The following GAB1 variants were observed in gnomAD, a reference collection of about 807,000 sequenced individuals.
GAB1 encodes GRB2 associated binding protein 1, also known as GRB2-associated-binding protein 1.
A neutral mutation model predicts 66.5 loss-of-function variants in GAB1; 19 were observed. That is an observed-to-expected ratio of 0.29 (90% CI 0.20 to 0.42). GAB1 has a LOEUF of 0.42. GAB1 is among the 10% of genes least tolerant of loss of function. The pLI is 1.00. For missense variants in GAB1, 732 were observed against 858.5 expected, an observed-to-expected ratio of 0.85 and a Z score of 1.84; for synonymous variants, 294 against 301.4, an observed-to-expected ratio of 0.98 and a Z score of 0.25.
At chr4:143,468,193 G>A (rs373695917) in intron 9 of GAB1, among the ~76,000 whole-genome samples, 1 of 146,326 alleles carries the variant, frequency 6.8e-6, no homozygotes, top group African/African-American at 2.5e-5. Context: ...TGTCATGGAA[G>A]CATTAGTTTG....
chr4:143,438,643 GA>G, intron 4 of GAB1, 43 bp downstream of exon 4: 5 of 1,560,694 alleles, frequency 3.2e-6, no homozygotes, highest in Non-Finnish European at 4.3e-6. Context: ...GTTAATGATA[GA>G]AAATCGATTT....
At chr4:143,458,692 A>C (rs1173225117) in intron 6 of GAB1, among the ~76,000 whole-genome samples, 1 of 152,078 alleles carries the variant, frequency 6.6e-6, no homozygotes, top group East Asian at 1.9e-4. Flanking sequence ...CTTATAAATG[A>C]AAATTATTAT....
chr4:143,356,869 G>C (rs1167006014), intron 1 of GAB1, among the ~76,000 whole-genome samples: 1 of 152,192 alleles, frequency 6.6e-6, no homozygotes, highest in Non-Finnish European at 1.5e-5. Flanking sequence ...TGAGGGGAAA[G>C]ATTTTAGATG....
chr4:143,357,841 G>GACTTA (rs1729509329), intron 1 of GAB1, among the ~76,000 whole-genome samples: 1 of 151,212 alleles, frequency 6.6e-6, no homozygotes, highest in Non-Finnish European at 1.5e-5. Context: ...CTTCAAAGAT[G>GACTTA]GTTCTTAAGA....
chr4:143,401,355 A>G (rs1293161656), intron 1 of GAB1, among the ~76,000 whole-genome samples: 1 of 152,210 alleles, frequency 6.6e-6, no homozygotes, highest in Non-Finnish European at 1.5e-5. Flanking sequence ...ACAAGGTGAT[A>G]ACATTTCTGT....
In GAB1 at chr4:143,350,678, CAAAAAAAAAA is replaced by C. The variant is rs34098103; in HGVS notation, c.72+13429_72+13438del. 7.7e-3 allele frequency among the ~76,000 whole-genome samples: 686 copies of C among 88,532 alleles called. 4 individuals carry two copies. The highest frequency in any genetic ancestry group is 0.03 in the African/African-American group (648 of 21,922). 58.1% of individuals were successfully genotyped at this position (88,532 alleles called of 152,430 possible). A position where few individuals can be genotyped will look rare whatever the true frequency, so the allele number is the denominator to read the frequency against. Reference sequence around the variant, plus strand: ...GGGCAACAAGCGTGAAACTCCGTCTCAAAAAAAAAAAAAAAAAAAAGAAAGACTTTGTATT... The same window carrying C: ...GGGCAACAAGCGTGAAACTCCGTCTCAAAAAAAAAAGAAAGACTTTGTATT... On this transcript the variant is annotated intron_variant, in intron 1 of 9. Coordinates refer to ENST00000262994, the MANE Select transcript of GAB1 (RefSeq NM_002039.4).
At chr4:143,442,608 A>G (rs1734301967) in intron 6 of GAB1, among the ~76,000 whole-genome samples, 1 of 152,178 alleles carries the variant, frequency 6.6e-6, no homozygotes, top group Non-Finnish European at 1.5e-5. Context: ...TATTTTATGT[A>G]TATATCAGAA....
At chr4:143,355,988 G>A (rs1440023772) in intron 1 of GAB1, among the ~76,000 whole-genome samples, 1 of 152,086 alleles carries the variant, frequency 6.6e-6, no homozygotes, top group Non-Finnish European at 1.5e-5. Flanking sequence ...TGCTGAACAT[G>A]AAGCTGCATG....
Position 143,471,974 on chromosome 4 carries a change from A to G in GAB1, c.*2785A>G, listed in dbSNP as rs1378470536. 3 of 152,222 alleles carry G rather than the reference A, an allele frequency of 2.0e-5. No homozygotes were observed. The highest frequency in any genetic ancestry group is 4.4e-5 in the Non-Finnish European group (3 of 68,024). 9.4% of individuals were successfully genotyped at this position (152,222 alleles called of 1,614,324 possible). ...AAAAACCACTGGTTAACGATGTGAC[A>G]GTTATGATCTTGGAGATTGGAAATC... On this transcript the variant is annotated 3_prime_UTR_variant, in exon 10 of 10. Coordinates refer to ENST00000262994, the MANE Select transcript of GAB1 (RefSeq NM_002039.4).
At chr4:143,387,364 C>G (rs1730967713) in intron 1 of GAB1, among the ~76,000 whole-genome samples, 5 of 152,296 alleles carry the variant, frequency 3.3e-5, no homozygotes, top group Non-Finnish European at 5.9e-5. Context: ...CTCCCAACCT[C>G]AGGTGATCCA....
At position 143,337,272 on chromosome 4, in the gene GAB1, T is replaced by C; in HGVS notation, c.72+12T>C. The C allele has an allele frequency of 6.4e-7, 1 of 1,568,786 alleles. No individual in the cohort carries two copies. Among genetic ancestry groups the C allele is most frequent in the East Asian group, 2.3e-5 (1 of 43,370 alleles). The stretch of plus-strand genomic sequence containing the variant: ...AGTTGAAGCGTTATGTAAGTAGAGC[T>C]GCGGGCACCACTCCGCGGGCCTCGG... On this transcript the variant is annotated intron_variant, in intron 1 of 9. Transcript: ENST00000262994.
intron 1 of GAB1, among the ~76,000 whole-genome samples, chr4:143,414,864 G>A (rs1732595546): frequency 6.6e-6 from 1 of 152,062 alleles, no homozygotes; most frequent in African/African-American, 2.4e-5. Context: ...CTAGCATTAA[G>A]TATTAATACA....
chr4:143,430,742 G>A (rs1485827849), intron 2 of GAB1, among the ~76,000 whole-genome samples: 2 of 152,104 alleles, frequency 1.3e-5, no homozygotes, highest in Non-Finnish European at 2.9e-5. Flanking sequence ...GTACCTTATT[G>A]TGCTTTTATT....
intron 1 of GAB1, among the ~76,000 whole-genome samples, chr4:143,355,904 G>A (rs1729426995): frequency 6.6e-6 from 1 of 152,038 alleles, no homozygotes; most frequent in Non-Finnish European, 1.5e-5. Context: ...CCTACATAAG[G>A]GCTGGTGATT....
intron 6 of GAB1, among the ~76,000 whole-genome samples, chr4:143,446,262 A>G (rs1353536079): frequency 1.3e-5 from 2 of 152,170 alleles, no homozygotes; most frequent in African/African-American, 4.8e-5. Context: ...ATACGTGTGC[A>G]TGTGTCTTTA....
chr4:143,367,724 T>TTG (rs1466187039), intron 1 of GAB1, among the ~76,000 whole-genome samples: 1 of 143,548 alleles, frequency 7.0e-6, no homozygotes, highest in Non-Finnish European at 1.5e-5. Flanking sequence ...TGAGGGTTTT[T>TTG]TTTTTTTTTT....
intron 1 of GAB1, among the ~76,000 whole-genome samples, chr4:143,353,033 G>T (rs895384154): frequency 3.3e-5 from 5 of 152,154 alleles, no homozygotes; most frequent in African/African-American, 1.2e-4. Flanking sequence ...TTAAATCAAA[G>T]AAAGTGTTTT....
intron 1 of GAB1, among the ~76,000 whole-genome samples, chr4:143,392,830 C>T (rs758510472): frequency 1.3e-5 from 2 of 152,120 alleles, no homozygotes; most frequent in Non-Finnish European, 2.9e-5. Context: ...GGCCCAACTA[C>T]TATCGTATAT....
rs530186962 is a variant in GAB1, at chr4:143,363,608, G to A, written c.72+26348G>A. On this transcript the variant is annotated intron_variant, in intron 1 of 9. Transcript: ENST00000262994. ...AAGCCATTGGAGTGGATGGCCAAGC[G>A]GGAAGTTATGCTCGCCTCTGTAGTT... Among the ~76,000 whole-genome samples the A allele has an allele frequency of 1.8e-4, 27 of 152,256 alleles. No homozygotes were observed. In the East Asian group the frequency reaches 2.9e-3, roughly 16 times the overall value.
Sources: gnomAD v4.1 joint callset for allele counts (sites outside exome capture counted in the v4.1 genomes callset) on GRCh38, gnomAD v4.1.1 for gene constraint, MANE v1.5 for transcripts, NCBI Gene and HGNC (gene_info 2026-07-23, HGNC 2026-07-21) for gene names.